The following NXPH1 variants were observed in gnomAD, a reference collection of about 807,000 sequenced individuals.
The protein encoded by NXPH1 is neurexophilin-1.
Under a neutral mutation model 23.7 loss-of-function variants are expected in NXPH1, and 5 were observed. The ratio of observed to expected loss-of-function variants is 0.21; its 90% CI spans 0.11 to 0.44. NXPH1 has a LOEUF of 0.44. Among genes scored for constraint, NXPH1 ranks in the 20% least tolerant of loss-of-function variants. NXPH1 has a pLI of 0.99. For missense variants in NXPH1, 324 were observed against 321.6 expected, an observed-to-expected ratio of 1.01 and a Z score of -0.06; for synonymous variants, 144 against 122.2, an observed-to-expected ratio of 1.18 and a Z score of -1.18.
intron 2 of NXPH1, among the ~76,000 whole-genome samples, chr7:8,535,619 G>C (rs1818014984): frequency 6.6e-6 from 1 of 151,762 alleles, no homozygotes; most frequent in Non-Finnish European, 1.5e-5. Flanking sequence ...AGGGAAGAAA[G>C]ATAGAAAATA....
intron 2 of NXPH1, among the ~76,000 whole-genome samples, chr7:8,715,578 TC>T (rs1220248089): frequency 2.0e-5 from 3 of 152,104 alleles, no homozygotes; most frequent in African/African-American, 7.2e-5. Context: ...GTTGCTATAA[TC>T]AGTTATAAAA....
rs114844549 is a variant in NXPH1 at position 8,647,105 on chromosome 7, T to C, written c.55-103903T>C. On this transcript the variant is annotated intron_variant, in intron 2 of 2. Transcript: ENST00000405863. ...GGATACAGACACACACAAAGACACG[T>C]GTGTTCTGTGAGCTCAAGAGCCTCT... Among the ~76,000 whole-genome samples, 1,140 of 152,180 alleles carry C rather than the reference T, an allele frequency of 7.5e-3. 11 individuals carry two copies. Among genetic ancestry groups the C allele is most frequent in the African/African-American group, 0.026 (1,075 of 41,500 alleles).
chr7:8,703,665 C>T (rs1177227152), intron 2 of NXPH1, among the ~76,000 whole-genome samples: 1 of 152,024 alleles, frequency 6.6e-6, no homozygotes, highest in Admixed American at 6.6e-5. Flanking sequence ...GGTGGGATAG[C>T]TTTTTATGAC....
intron 2 of NXPH1, among the ~76,000 whole-genome samples, chr7:8,453,231 A>G (rs2128605759): frequency 6.6e-6 from 1 of 152,292 alleles, no homozygotes; most frequent in East Asian, 1.9e-4. Flanking sequence ...CTGTCATCAT[A>G]AACGTATTAC....
At chr7:8,583,621 T>C (rs939659506) in intron 2 of NXPH1, among the ~76,000 whole-genome samples, 2 of 152,160 alleles carry the variant, frequency 1.3e-5, no homozygotes, top group African/African-American at 4.8e-5. Flanking sequence ...GAATCGAGGA[T>C]GCCACTACCC....
intron 2 of NXPH1, among the ~76,000 whole-genome samples, chr7:8,556,823 T>G (rs1048505120): frequency 2.6e-5 from 4 of 151,738 alleles, no homozygotes; most frequent in African/African-American, 9.7e-5. Context: ...TAGTTAACAT[T>G]TATTTAATGC....
intron 2 of NXPH1, among the ~76,000 whole-genome samples, chr7:8,464,907 G>A (rs1386837927): frequency 6.6e-6 from 1 of 152,200 alleles, no homozygotes; most frequent in Non-Finnish European, 1.5e-5. Context: ...CTGAAAGTTA[G>A]CCTAAGTAGT....
intron 2 of NXPH1, among the ~76,000 whole-genome samples, chr7:8,609,124 T>C (rs1431827312): frequency 1.3e-5 from 2 of 152,224 alleles, no homozygotes; most frequent in African/African-American, 4.8e-5. Context: ...ATAATTCATA[T>C]ATTATTTAAC....
rs140039990 is a variant in NXPH1, at chr7:8,673,443, G to A, written c.55-77565G>A. 3.3e-3 allele frequency among the ~76,000 whole-genome samples: 508 copies of A among 152,224 alleles called. 7 individuals are homozygous for A. Among genetic ancestry groups the A allele is most frequent in the East Asian group, 7.7e-3 (40 of 5,184 alleles). On this transcript the variant is annotated intron_variant, in intron 2 of 2. Coordinates refer to ENST00000405863, the MANE Select transcript of NXPH1 (RefSeq NM_152745.3). ...TATTTCAGATATATACTCAAAAATG[G>A]AAATGTATTTCAAATCTGTATGTTT...
At chr7:8,674,485 T>C (rs992517) in intron 2 of NXPH1, among the ~76,000 whole-genome samples, 93,807 of 152,064 alleles carry the variant, frequency 0.62, 30,395 homozygotes, top group East Asian at 0.76. Context: ...TCTTTGCAAT[T>C]AAACTCTACT....
At chr7:8,750,418 T>A (rs1263735793) in intron 2 of NXPH1, among the ~76,000 whole-genome samples, 1 of 152,172 alleles carries the variant, frequency 6.6e-6, no homozygotes, top group African/African-American at 2.4e-5. Context: ...GCCGCACCTA[T>A]TGACCCGTTC....
chr7:8,694,724 C>G lies in NXPH1; in HGVS notation c.55-56284C>G, dbSNP rs188711135. Among the ~76,000 whole-genome samples, 39 of 152,196 alleles carry G rather than the reference C, an allele frequency of 2.6e-4. 1 individual carries two copies. Among genetic ancestry groups the G allele is most frequent in the African/African-American group, 8.7e-4 (36 of 41,532 alleles). On this transcript the variant is annotated intron_variant, in intron 2 of 2. Transcript: ENST00000405863. ...AATTTATCTCATTCTACTTTCTATG[C>G]CAACCTCTTTCCTATCACAATATAA...
intron 2 of NXPH1, among the ~76,000 whole-genome samples, chr7:8,642,673 T>G (rs1820336629): frequency 6.6e-6 from 1 of 152,210 alleles, no homozygotes; most frequent in Non-Finnish European, 1.5e-5. Context: ...CAATAAATAA[T>G]GACTTTTTAT....
intron 2 of NXPH1, among the ~76,000 whole-genome samples, chr7:8,714,039 C>A (rs1779839023): frequency 6.6e-6 from 1 of 152,158 alleles, no homozygotes; most frequent in Admixed American, 6.5e-5. Flanking sequence ...CCAAACAAGG[C>A]CCTGGGTGGG....
At chr7:8,459,559 C>G (rs563306538) in intron 2 of NXPH1, among the ~76,000 whole-genome samples, 14 of 152,304 alleles carry the variant, frequency 9.2e-5, no homozygotes, top group African/African-American at 3.1e-4. Flanking sequence ...GCCCTGCCAT[C>G]TTCTTTCTTC....
intron 2 of NXPH1, among the ~76,000 whole-genome samples, chr7:8,684,082 T>TTATGTTTGATGTATAGGACA (rs1223803304): frequency 2.0e-5 from 3 of 152,122 alleles, no homozygotes; most frequent in Non-Finnish European, 4.4e-5. Context: ...CAGTGAATGA[T>TTATGTTTGATGTATAGGACA]TAAGTTTGAT....
Position 8,751,446 on chromosome 7 carries a change from G to C in NXPH1, c.493G>C (p.Val165Leu), listed in dbSNP as rs911336556. The C allele has an allele frequency of 1.2e-6, 2 of 1,613,724 alleles. No individual in the cohort carries two copies. Among genetic ancestry groups the C allele is most frequent in the Non-Finnish European group, 1.7e-6 (2 of 1,179,846 alleles). ...HNSTGQGNVSVSLVPPTKIVE... is the reference protein window; with the variant it reads ...HNSTGQGNVSLSLVPPTKIVE... Reference sequence around the variant, plus strand: ...TTCAACTGGTCAAGGGAATGTATCTGTCAGCTTGGTACCCCCTACAAAAAT... The same window carrying C: ...TTCAACTGGTCAAGGGAATGTATCTCTCAGCTTGGTACCCCCTACAAAAAT... The change falls in exon 3 of 3, where the codon GTC becomes CTC. Residue 165 changes from valine (V) to leucine (L), a missense_variant. Val to Leu is a conservative substitution (Grantham distance 32). Transcript: ENST00000405863. The surrounding 1 kb of genome is among the most constrained non-coding windows in gnomAD (Gnocchi z 4.5).
At chr7:8,518,420 A>G (rs1191670969) in intron 2 of NXPH1, among the ~76,000 whole-genome samples, 1 of 152,140 alleles carries the variant, frequency 6.6e-6, no homozygotes, top group Non-Finnish European at 1.5e-5. Flanking sequence ...AAAATTATTA[A>G]AAAAGAAAAT....
chr7:8,608,670 C>G (rs1447311696), intron 2 of NXPH1, among the ~76,000 whole-genome samples: 1 of 151,912 alleles, frequency 6.6e-6, no homozygotes, highest in Non-Finnish European at 1.5e-5. Flanking sequence ...AAAACATTGA[C>G]TTTTTTGTGC....
Sources: allele counts gnomAD v4.1 joint callset (sites outside exome capture counted in the v4.1 genomes callset), GRCh38; gene constraint gnomAD v4.1.1; non-coding constraint Gnocchi (gnomAD v3.1); transcripts MANE v1.5; gene names NCBI Gene and HGNC (gene_info 2026-07-23, HGNC 2026-07-21).